The following EYS variants were observed in gnomAD, a reference collection of about 807,000 sequenced individuals.
EYS encodes EGF-like photoreceptor maintenance factor.
A neutral mutation model predicts 282.1 loss-of-function variants in EYS; 250 were observed. The observed-to-expected ratio is 0.89, with a 90% confidence interval of 0.80 to 0.98. The LOEUF (loss-of-function observed/expected upper bound fraction) is 0.98, where lower values mean the gene tolerates loss of function less well. EYS is among the 50% of genes least tolerant of loss of function. EYS has a pLI of 0.00. For missense variants in EYS, 4,016 were observed against 3,709.0 expected (o/e 1.08, Z -2.15); for synonymous variants, 1,355 against 1,282.9 (o/e 1.06, Z -1.20).
chr6:65,204,919 T>TGGAAGAACG (rs1765992137), intron 12 of EYS, among the ~76,000 whole-genome samples: 7 of 122,690 alleles, frequency 5.7e-5, no homozygotes, highest in African/African-American at 1.9e-4. Context: ...TTATATATTC[T>TGGAAGAACG]TTATATATTC....
chr6:64,396,376 T>G (rs1279362389), intron 28 of EYS, among the ~76,000 whole-genome samples: 2 of 151,970 alleles, frequency 1.3e-5, no homozygotes, highest in East Asian at 3.9e-4. Context: ...ACTGATTATA[T>G]ATTTTGCAAG....
chr6:64,467,682 T>G (rs867809397), intron 26 of EYS, among the ~76,000 whole-genome samples: 2 of 152,100 alleles, frequency 1.3e-5, no homozygotes, highest in African/African-American at 2.4e-5. Flanking sequence ...CCACCACTAC[T>G]GCTTGTGTAC....
intron 24 of EYS, among the ~76,000 whole-genome samples, chr6:64,612,092 C>T (rs1029156): frequency 0.11 from 16,332 of 152,082 alleles, 1,056 homozygotes; most frequent in East Asian, 0.16. Context: ...CTGGTGTCTT[C>T]TGTGTTAGGT....
In EYS at chr6:65,574,768, C is replaced by T. The variant is rs528831291; in HGVS notation, c.-333+65010G>A. On this transcript the variant is annotated intron_variant, in intron 2 of 42. Coordinates refer to ENST00000503581, the MANE Select transcript of EYS (RefSeq NM_001142800.2). The stretch of plus-strand genomic sequence containing the variant: ...GAACTATATGCTTTAGAGCAAGTGG[C>T]CTAACAGACATATACAGAACATTTT... Among the ~76,000 whole-genome samples the T allele has an allele frequency of 3.3e-5, 5 of 152,108 alleles. No homozygotes were observed. The South Asian group carries it at 1.0e-3, about 32-fold the overall frequency.
chr6:64,092,602 T>A (rs1772410362), intron 31 of EYS, among the ~76,000 whole-genome samples: 1 of 152,164 alleles, frequency 6.6e-6, no homozygotes, highest in Non-Finnish European at 1.5e-5. Flanking sequence ...TGGGGTTCTT[T>A]GTTTTTTTTC....
At chr6:65,598,878 A>C (rs947358443) in intron 2 of EYS, among the ~76,000 whole-genome samples, 1 of 152,092 alleles carries the variant, frequency 6.6e-6, no homozygotes, top group African/African-American at 2.4e-5. Context: ...ACTGTAATCA[A>C]AGGGAGTAGT....
At chr6:64,323,910 C>T (rs1462699421) in intron 29 of EYS, among the ~76,000 whole-genome samples, 1 of 152,100 alleles carries the variant, frequency 6.6e-6, no homozygotes, top group Non-Finnish European at 1.5e-5. Context: ...GTTGACTTTA[C>T]ATTTGAACAT....
intron 12 of EYS, among the ~76,000 whole-genome samples, chr6:65,258,007 C>T (rs888703395): frequency 1.3e-5 from 2 of 151,732 alleles, no homozygotes; most frequent in South Asian, 4.1e-4. Flanking sequence ...TGGAATGTAC[C>T]TAACACAAAG....
intron 2 of EYS, among the ~76,000 whole-genome samples, chr6:65,606,279 C>A (rs114801643): frequency 0.014 from 2,152 of 151,730 alleles, 26 homozygotes; most frequent in Non-Finnish European, 0.021. Context: ...GTGAAATGAT[C>A]ACATCAAAGT....
intron 23 of EYS, among the ~76,000 whole-genome samples, chr6:64,623,721 A>G (rs1328134683): frequency 6.6e-6 from 1 of 152,108 alleles, no homozygotes; most frequent in Non-Finnish European, 1.5e-5. Context: ...ACAAAGGGAC[A>G]GCATGAGAAA....
Position 63,953,521 on chromosome 6 carries a change from T to C in EYS, c.7055+30862A>G, listed in dbSNP as rs570134971. ...AAATGTGCTCTCCCTGCTAATCATG[T>C]CTGGCTAAACTCCAAAACCCCAACC... On this transcript the variant is annotated intron_variant, in intron 35 of 42. Transcript: ENST00000503581. 2.6e-5 allele frequency among the ~76,000 whole-genome samples: 4 copies of C among 152,306 alleles called. No individual in the cohort carries two copies. In the South Asian group the frequency reaches 6.2e-4, roughly 24 times the overall value.
At chr6:63,986,990 G>C (rs1365206118) in intron 34 of EYS, among the ~76,000 whole-genome samples, 5 of 151,524 alleles carry the variant, frequency 3.3e-5, no homozygotes, top group Admixed American at 6.6e-5. Context: ...ACCATTTATA[G>C]AAAATTAGTA....
chr6:64,496,768 A>AT (rs1335525514), intron 26 of EYS, among the ~76,000 whole-genome samples: 24 of 152,158 alleles, frequency 1.6e-4, no homozygotes, highest in African/African-American at 5.5e-4. Flanking sequence ...AACTTTGCGG[A>AT]TGCTAATCAT....
At chr6:65,298,673 A>T (rs929695070) in intron 11 of EYS, among the ~76,000 whole-genome samples, 4 of 151,600 alleles carry the variant, frequency 2.6e-5, no homozygotes, top group Non-Finnish European at 4.4e-5. Context: ...ATTGTTTAGC[A>T]TTACCATTTC....
chr6:65,274,465 A>C (rs1298537945), intron 12 of EYS, among the ~76,000 whole-genome samples: 1 of 152,176 alleles, frequency 6.6e-6, no homozygotes, highest in Non-Finnish European at 1.5e-5. Flanking sequence ...AAATTAGCAC[A>C]TCTCCTTGTC....
chr6:63,728,544 C>T (rs192260254), intron 41 of EYS, among the ~76,000 whole-genome samples: 7 of 152,268 alleles, frequency 4.6e-5, no homozygotes, highest in Admixed American at 3.3e-4. Flanking sequence ...CACTAGAGTA[C>T]ATTTGTTAAA....
intron 13 of EYS, among the ~76,000 whole-genome samples, chr6:65,053,826 T>C (rs1315592089): frequency 4.6e-5 from 7 of 151,962 alleles, no homozygotes; most frequent in Admixed American, 2.0e-4. Flanking sequence ...CCTGTATCTA[T>C]TGAATTCCAA....
At chr6:64,049,446 A>C (rs917886703) in intron 33 of EYS, among the ~76,000 whole-genome samples, 1 of 152,168 alleles carries the variant, frequency 6.6e-6, no homozygotes, top group Non-Finnish European at 1.5e-5. Flanking sequence ...TTTGGTGATT[A>C]ACTTTTCTAT....
At chr6:65,382,889 T>C (rs547553382) in intron 8 of EYS, among the ~76,000 whole-genome samples, 11 of 151,982 alleles carry the variant, frequency 7.2e-5, no homozygotes, top group Non-Finnish European at 1.3e-4. Context: ...TTAATCTCCT[T>C]TGACAACACC....
Sources: gnomAD v4.1 joint callset for allele counts (sites outside exome capture counted in the v4.1 genomes callset) on GRCh38, gnomAD v4.1.1 for gene constraint, MANE v1.5 for transcripts, NCBI Gene and HGNC (gene_info 2026-07-23, HGNC 2026-07-21) for gene names.